The following PIGX variants were observed in gnomAD, a reference collection of about 807,000 sequenced individuals.
PIGX encodes the protein GPI alpha-1,4-mannosyltransferase I, stabilizing subunit.
In PIGX, 24 loss-of-function variants were observed where a neutral mutation model predicts 28.7. The ratio of observed to expected loss-of-function variants is 0.84; its 90% CI spans 0.60 to 1.17. The LOEUF is 1.17. PIGX is among the 50% of genes most tolerant of loss of function. PIGX has a pLI of 0.00. For synonymous variants in PIGX, 127 were observed against 121.0 expected, an observed-to-expected ratio of 1.05 and a Z score of -0.33; for missense variants, 305 against 317.8, an observed-to-expected ratio of 0.96 and a Z score of 0.31.
At chr3:196,720,979 C>T (rs1480116662) in intron 2 of PIGX, among the ~76,000 whole-genome samples, 1 of 152,068 alleles carries the variant, frequency 6.6e-6, no homozygotes, top group Non-Finnish European at 1.5e-5. Context: ...GTTAATCTCT[C>T]CATCATTATT....
In PIGX at chr3:196,728,088, G is replaced by A; in HGVS notation, c.484G>A (p.Ala162Thr). Residue 162 changes from alanine to threonine, a missense_variant, in exon 4 of 6, where the codon GCC becomes ACC. By Grantham distance (58) the Ala-to-Thr change is moderately conservative. Coordinates refer to ENST00000392391, the MANE Select transcript of PIGX (RefSeq NM_017861.4). ...TCGGCCGCACAGTGAAGATGGAGAAGCCTCGATTGTGGTCAATAACCCAGA... is the reference window on the plus strand; with the variant it reads ...TCGGCCGCACAGTGAAGATGGAGAAACCTCGATTGTGGTCAATAACCCAGA... The A allele has an allele frequency of 1.9e-6, 3 of 1,614,168 alleles. No homozygotes were observed. Among genetic ancestry groups the A allele is most frequent in the East Asian group, 2.2e-5 (1 of 44,882 alleles).
intron 3 of PIGX, among the ~76,000 whole-genome samples, chr3:196,726,951 A>T (rs1418335447): frequency 6.6e-6 from 1 of 152,210 alleles, no homozygotes; most frequent in Admixed American, 6.5e-5. Context: ...AAAGTCCCTC[A>T]TGACTCATGA....
intron 2 of PIGX, 60 bp from the exon 3 acceptor site, chr3:196,722,355 T>C: frequency 7.9e-7 from 1 of 1,260,650 alleles, no homozygotes; most frequent in Non-Finnish European, 1.1e-6. Flanking sequence ...AATACAGTGT[T>C]ATGTTATCTC....
intron 2 of PIGX, among the ~76,000 whole-genome samples, chr3:196,718,461 A>G (rs968469731): frequency 1.3e-5 from 2 of 152,098 alleles, no homozygotes; most frequent in Non-Finnish European, 2.9e-5. Context: ...TGGGTGTTAA[A>G]TTTTGTCAGA....
At chr3:196,722,677 A>T (rs1712368100) in intron 3 of PIGX, 121 bp downstream of exon 3, 1 of 859,574 alleles carries the variant, frequency 1.2e-6, no homozygotes, top group Admixed American at 2.3e-5. Context: ...ACATTTTTAG[A>T]GATAGACTGG....
intron 4 of PIGX, 57 bp from the exon 5 acceptor site, chr3:196,730,935 C>G (rs1712726388): frequency 2.0e-6 from 2 of 1,002,194 alleles, no homozygotes; most frequent in Non-Finnish European, 3.1e-6. Flanking sequence ...TTAATACAAG[C>G]CTAGCTTTCA....
At chr3:196,723,257 C>T (rs1290977476) in intron 3 of PIGX, among the ~76,000 whole-genome samples, 1 of 152,230 alleles carries the variant, frequency 6.6e-6, no homozygotes, top group African/African-American at 2.4e-5. Context: ...CGGAGAATCA[C>T]TTGAACCTGG....
At chr3:196,720,328 A>G (rs1400646028) in intron 2 of PIGX, among the ~76,000 whole-genome samples, 1 of 152,244 alleles carries the variant, frequency 6.6e-6, no homozygotes, top group African/African-American at 2.4e-5. Flanking sequence ...CTTATTTCAC[A>G]TAGCATGATG....
At chr3:196,723,864 C>T (rs1022273908) in intron 3 of PIGX, among the ~76,000 whole-genome samples, 6 of 151,888 alleles carry the variant, frequency 4.0e-5, no homozygotes, top group Non-Finnish European at 8.8e-5. Flanking sequence ...TAATTACATT[C>T]TCATGGGTTC....
At chr3:196,717,300 C>CAAAAAAAAAAAAAAAAGA (rs55850813) in intron 2 of PIGX, among the ~76,000 whole-genome samples, 1 of 120,906 alleles carries the variant, frequency 8.3e-6, no homozygotes, top group African/African-American at 3.3e-5. Flanking sequence ...GACTCTGTCT[C>CAAAAAAAAAAAAAAAAGA]AAAAAAAGAA....
intron 3 of PIGX, among the ~76,000 whole-genome samples, chr3:196,723,957 GTGTA>G (rs1712422526): frequency 6.7e-6 from 1 of 150,220 alleles, no homozygotes. Flanking sequence ...TCAGTTTTTT[GTGTA>G]TGTATGACAG....
chr3:196,716,794 ATTAT>A (rs1712113422), intron 1 of PIGX, 60 bp from the exon 2 acceptor site: 2 of 770,592 alleles, frequency 2.6e-6, no homozygotes, highest in Non-Finnish European at 3.9e-6. Context: ...CTCTTTTATA[ATTAT>A]TTAAATATTA....
intron 4 of PIGX, 139 bp downstream of exon 4, chr3:196,728,275 A>C (rs1712607250): frequency 1.6e-6 from 1 of 630,400 alleles, no homozygotes; most frequent in South Asian, 1.9e-5. Context: ...TTTGCCTTAT[A>C]ATAATTCACT....
At chr3:196,714,844 AG>A (rs1712023209) in intron 1 of PIGX, among the ~76,000 whole-genome samples, 1 of 152,050 alleles carries the variant, frequency 6.6e-6, no homozygotes, top group Non-Finnish European at 1.5e-5. Flanking sequence ...TTGGAAGGCC[AG>A]GGTGGGCAGA....
intron 3 of PIGX, among the ~76,000 whole-genome samples, chr3:196,725,973 T>C (rs770615120): frequency 6.6e-6 from 1 of 152,176 alleles, no homozygotes; most frequent in Non-Finnish European, 1.5e-5. Context: ...TATAGACATA[T>C]CCAGCAAGAT....
chr3:196,722,638 C>A (rs530669068), intron 3 of PIGX, 82 bp downstream of exon 3: 80 of 1,222,942 alleles, frequency 6.5e-5, no homozygotes, highest in Non-Finnish European at 8.4e-5. Flanking sequence ...AGTAGGTTTT[C>A]TTTTCATTTT....
chr3:196,718,908 T>C (rs542002992), intron 2 of PIGX, among the ~76,000 whole-genome samples: 59 of 152,320 alleles, frequency 3.9e-4, no homozygotes, highest in African/African-American at 1.4e-3. Context: ...ATTGACCCTT[T>C]TATCTTTGTG....
Position 196,712,378 on chromosome 3 carries a change from G to A in PIGX, c.-155G>A, listed in dbSNP as rs937494334. The A allele has an allele frequency of 2.0e-5, 6 of 307,040 alleles. No individual in the cohort carries two copies. Among genetic ancestry groups the A allele is most frequent in the Admixed American group, 5.2e-5 (1 of 19,070 alleles). 19.0% of individuals were successfully genotyped at this position (307,040 alleles called of 1,614,324 possible). A position where few individuals can be genotyped will look rare whatever the true frequency, so the allele number is the denominator to read the frequency against. ...CCCTTGGGGGCCGGGGCTGCAGGCA[G>A]CTGGGAACCGCGGGCGCTAGGCGCG... is the stretch of plus-strand genomic sequence containing the variant. On this transcript the variant is annotated 5_prime_UTR_variant, in exon 1 of 6. Coordinates refer to ENST00000392391, the MANE Select transcript of PIGX (RefSeq NM_017861.4).
At chr3:196,713,197 C>A in intron 1 of PIGX, 1 of 588,324 alleles carries the variant, frequency 1.7e-6, no homozygotes, top group African/African-American at 2.0e-5. Context: ...TTTCTGTCAT[C>A]CTTGGTATCA....
Sources: gnomAD v4.1 joint callset for allele counts (sites outside exome capture counted in the v4.1 genomes callset) on GRCh38, gnomAD v4.1.1 for gene constraint, MANE v1.5 for transcripts, NCBI Gene and HGNC (gene_info 2026-07-23, HGNC 2026-07-21) for gene names.